Variants in DCAF5 observed in about 807,000 individuals in gnomAD.
The protein encoded by DCAF5 is DDB1 and CUL4 associated factor 5, also known as DDB1- and CUL4-associated factor 5.
DCAF5 carries 9 observed loss-of-function variants against 80.7 expected under a neutral mutation model. The observed-to-expected ratio is 0.11, with a 90% CI of 0.07 to 0.19. The LOEUF (loss-of-function observed/expected upper bound fraction) is 0.19, where lower values mean the gene tolerates loss of function less well. Ranked by LOEUF, DCAF5 falls within the 10% of genes least tolerant of loss-of-function variation. DCAF5 has a pLI of 1.00. For missense variants in DCAF5, 842 were observed against 1,205.7 expected (o/e 0.70, Z 4.47); for synonymous variants, 433 against 461.9 (o/e 0.94, Z 0.80).
At chr14:69,076,597 A>C (rs2038909101) in intron 6 of DCAF5, among the ~76,000 whole-genome samples, 1 of 152,228 alleles carries the variant, frequency 6.6e-6, no homozygotes, top group South Asian at 2.1e-4. Context: ...AATTCACAGA[A>C]ACAGCAAGTG....
intron 8 of DCAF5, among the ~76,000 whole-genome samples, chr14:69,059,636 A>G (rs992248813): frequency 2.6e-5 from 4 of 152,214 alleles, no homozygotes; most frequent in African/African-American, 9.6e-5. Flanking sequence ...TGAGGCCAGC[A>G]TGGCCATTGG....
chr14:69,143,034 T>C (rs954216731), intron 1 of DCAF5, among the ~76,000 whole-genome samples: 2 of 152,122 alleles, frequency 1.3e-5, no homozygotes, highest in African/African-American at 4.8e-5. Flanking sequence ...TTTAGATAAC[T>C]GCAAACATCA....
In DCAF5 at chr14:69,110,270, CT is replaced by C. The variant is rs538619956; in HGVS notation, c.665+6095del. 1.8e-3 allele frequency among the ~76,000 whole-genome samples: 188 copies of C among 106,828 alleles called. 1 individual carries two copies. Among genetic ancestry groups the C allele is most frequent in the African/African-American group, 5.2e-3 (148 of 28,352 alleles). The allele number at this position is 106,828 out of a possible 152,430, so 70.1% of individuals were successfully genotyped here. On this transcript the variant is annotated intron_variant, in intron 5 of 8. Transcript: ENST00000341516. Reference sequence around the variant, plus strand: ...TGTTCTTGGCTCATCTTTTCACTTACTTTTTTTTTTTTTTTTTTGAGACAGA... The same window carrying C: ...TGTTCTTGGCTCATCTTTTCACTTACTTTTTTTTTTTTTTTTTGAGACAGA...
In DCAF5 at chr14:69,072,800, A is replaced by T. The variant is rs60643493; in HGVS notation, c.946+2545T>A. Among the ~76,000 whole-genome samples the T allele has an allele frequency of 9.1e-3, 1,380 of 152,298 alleles. 23 individuals carry two copies. The highest frequency in any genetic ancestry group is 0.032 in the African/African-American group (1,310 of 41,550). ...TGATCAAAGGGACAGACTTGCTGTG[A>T]TTAACAATGTAATGCTGAAGAGTGA... On this transcript the variant is annotated intron_variant, in intron 7 of 8. Coordinates refer to ENST00000341516, the MANE Select transcript of DCAF5 (RefSeq NM_003861.3).
intron 1 of DCAF5, among the ~76,000 whole-genome samples, chr14:69,136,113 CTTTTTTTTT>C (rs35359938): frequency 2.4e-5 from 3 of 125,316 alleles, no homozygotes; most frequent in East Asian, 2.3e-4. Flanking sequence ...ATGTGTAAAA[CTTTTTTTTT>C]TTTTTTTTTT....
Position 69,152,915 on chromosome 14 carries a change from C to T in DCAF5, c.64G>A (p.Gly22Ser). Residue 22 changes from glycine to serine, a missense_variant, in exon 1 of 9, where the codon GGC becomes AGC. Transcript: ENST00000341516. The surrounding 1 kb of genome is among the most constrained non-coding windows in gnomAD (Gnocchi z 4.1). ...GTGAGCAGGGGGTCCCCATGCAAGCCCCGCTGGGACAAGAAGCCCACCACT... is the reference window on the plus strand; with the variant it reads ...GTGAGCAGGGGGTCCCCATGCAAGCTCCGCTGGGACAAGAAGCCCACCACT... ...RSVVGFLSQRGLHGDPLLTQD... is the reference protein window; with the variant it reads ...RSVVGFLSQRSLHGDPLLTQD... The T allele has an allele frequency of 6.2e-7, 1 of 1,613,858 alleles. No individual in the cohort carries two copies. Among genetic ancestry groups the T allele is most frequent in the Non-Finnish European group, 8.5e-7 (1 of 1,180,004 alleles).
chr14:69,121,923 ATGTG>A (rs917578150), intron 2 of DCAF5, among the ~76,000 whole-genome samples: 2 of 152,078 alleles, frequency 1.3e-5, no homozygotes, highest in African/African-American at 4.8e-5. Context: ...TGTTTCAAAT[ATGTG>A]TGTGTGTCTG....
At chr14:69,127,502 T>C (rs1016757928) in intron 1 of DCAF5, among the ~76,000 whole-genome samples, 1 of 152,142 alleles carries the variant, frequency 6.6e-6, no homozygotes, top group African/African-American at 2.4e-5. Context: ...GTTGAATATA[T>C]GGAGCAGAGA....
At chr14:69,150,602 G>A (rs545012753) in intron 1 of DCAF5, among the ~76,000 whole-genome samples, 2 of 152,012 alleles carry the variant, frequency 1.3e-5, no homozygotes, top group African/African-American at 4.8e-5. Flanking sequence ...TTTTTAAAGT[G>A]TGAGCTAGGC....
At position 69,055,341 on chromosome 14, in the gene DCAF5, C is replaced by T. The variant is rs2037925344; in HGVS notation, c.1345G>A (p.Gly449Arg). 6.2e-7 allele frequency: 1 copy of T among 1,614,178 alleles called. No individual in the cohort carries two copies. The highest frequency in any genetic ancestry group is 2.2e-5 in the East Asian group (1 of 44,884). ...SESTILQLHA[G>R]VSERSGYTDS... ...GTGTAGCCTGAGCGCTCGCTGACCC[C>T]AGCGTGCAGTTGGAGGATAGTACTC... Residue 449 changes from glycine (G) to arginine (R), a missense_variant, in exon 9 of 9, where the codon GGG (glycine) becomes AGG (arginine). Physicochemically the swap from Gly to Arg is moderately radical, Grantham distance 125 (BLOSUM62 -2). This residue lies in a region of DCAF5 where 607 missense variants were observed against 656.6 expected (regional missense o/e 0.92). Transcript: ENST00000341516. The surrounding 1 kb of genome is among the most constrained non-coding windows in gnomAD (Gnocchi z 5.6).
intron 5 of DCAF5, among the ~76,000 whole-genome samples, chr14:69,113,457 C>T: frequency 6.6e-6 from 1 of 152,126 alleles, no homozygotes; most frequent in Non-Finnish European, 1.5e-5. Flanking sequence ...CATGTGTTCA[C>T]TCAGATACAC....
At chr14:69,084,476 C>T in intron 6 of DCAF5, 1 of 800,216 alleles carries the variant, frequency 1.2e-6, no homozygotes, top group East Asian at 2.4e-5. Context: ...TTCTGCCACC[C>T]AAACTTGAAA....
At chr14:69,129,158 T>C (rs1443685571) in intron 1 of DCAF5, among the ~76,000 whole-genome samples, 1 of 152,200 alleles carries the variant, frequency 6.6e-6, no homozygotes, top group Non-Finnish European at 1.5e-5. Context: ...TCGTTTTAAA[T>C]GATGTGTCCT....
chr14:69,122,933 A>G (rs1016951916), intron 1 of DCAF5, among the ~76,000 whole-genome samples: 13 of 152,196 alleles, frequency 8.5e-5, no homozygotes, highest in African/African-American at 2.4e-4. Context: ...CTTTGGGTCT[A>G]AGTTGGTTGT....
chr14:69,084,880 C>T (rs543142008), intron 6 of DCAF5: 1 of 1,279,656 alleles, frequency 7.8e-7, no homozygotes, highest in Admixed American at 1.7e-5. Context: ...TTCAGTATGA[C>T]CCTCCGGATG....
At chr14:69,100,625 T>C (rs1027641254) in intron 5 of DCAF5, among the ~76,000 whole-genome samples, 1 of 152,230 alleles carries the variant, frequency 6.6e-6, no homozygotes. Context: ...CTCAGTTTTA[T>C]TTCTTTCTAC....
chr14:69,133,628 T>C (rs2041106608), intron 1 of DCAF5, among the ~76,000 whole-genome samples: 1 of 152,196 alleles, frequency 6.6e-6, no homozygotes. Flanking sequence ...CAGAAGTAGC[T>C]ATAGGGATAA....
At chr14:69,140,521 C>T (rs1000981524) in intron 1 of DCAF5, among the ~76,000 whole-genome samples, 1 of 152,134 alleles carries the variant, frequency 6.6e-6, no homozygotes, top group Non-Finnish European at 1.5e-5. Flanking sequence ...ATCACATCCA[C>T]TTTTAGTTAA....
chr14:69,146,757 G>A (rs372428249), intron 1 of DCAF5, among the ~76,000 whole-genome samples: 2 of 152,128 alleles, frequency 1.3e-5, no homozygotes, highest in Admixed American at 1.3e-4. Flanking sequence ...AAAACTATTT[G>A]TTGCACTAAT....
Sources: allele counts gnomAD v4.1 joint callset (sites outside exome capture counted in the v4.1 genomes callset), GRCh38; gene constraint gnomAD v4.1.1; regional missense constraint gnomAD v4.1.1; non-coding constraint Gnocchi (gnomAD v3.1); transcripts MANE v1.5; gene names NCBI Gene and HGNC (gene_info 2026-07-23, HGNC 2026-07-21).